Variants in NRP1 observed in about 807,000 individuals in gnomAD.
The protein encoded by NRP1 is neuropilin 1, also known as neuropilin-1.
Under a neutral mutation model 106.7 loss-of-function variants are expected in NRP1, and 35 were observed. The ratio of observed to expected loss-of-function variants is 0.33; its 90% CI spans 0.25 to 0.43. NRP1 has a LOEUF of 0.43. Ranked by LOEUF, NRP1 falls within the 20% of genes least tolerant of loss-of-function variation. The probability of loss-of-function intolerance (pLI) is 1.00; values close to 1 mark genes in which losing one functional copy is unlikely to be tolerated. For missense variants in NRP1, 1,024 were observed against 1,170.4 expected (o/e 0.87, Z 1.83); for synonymous variants, 437 against 417.9 (o/e 1.05, Z -0.56).
chr10:33,186,560 C>G, intron 13 of NRP1, 72 bp from the exon 14 acceptor site: 1 of 1,516,714 alleles, frequency 6.6e-7, no homozygotes. Context: ...TCTTTCAAGT[C>G]TCACTAATCA....
chr10:33,321,244 G>A lies in NRP1; in HGVS notation c.248+9464C>T, dbSNP rs145780838. Reference sequence around the variant, plus strand: ...TCACTGATCCGCTTGCCTTGGCCTCGCAAAATGCTGGGATTATAGGTGAGC... The same window carrying A: ...TCACTGATCCGCTTGCCTTGGCCTCACAAAATGCTGGGATTATAGGTGAGC... On this transcript the variant is annotated intron_variant, in intron 2 of 16. Transcript: ENST00000374867. 3.1e-3 allele frequency among the ~76,000 whole-genome samples: 476 copies of A among 152,186 alleles called. 2 individuals carry two copies. The highest frequency in any genetic ancestry group is 0.011 in the African/African-American group (456 of 41,542).
intron 4 of NRP1, among the ~76,000 whole-genome samples, chr10:33,261,920 G>C (rs1243937865): frequency 6.6e-6 from 1 of 152,084 alleles, no homozygotes; most frequent in Non-Finnish European, 1.5e-5. Context: ...ATTTTTCGTA[G>C]AGACAGGGTT....
chr10:33,282,732 A>G (rs1480678689), intron 2 of NRP1, among the ~76,000 whole-genome samples: 2 of 152,148 alleles, frequency 1.3e-5, no homozygotes, highest in Non-Finnish European at 2.9e-5. Flanking sequence ...ATTAAAAGAA[A>G]GGTTGAGCTG....
At chr10:33,270,013 A>T (rs1336003557) in intron 3 of NRP1, among the ~76,000 whole-genome samples, 2 of 152,218 alleles carry the variant, frequency 1.3e-5, no homozygotes, top group African/African-American at 4.8e-5. Context: ...CACTTGAATT[A>T]TTCTGAAACC....
At position 33,222,416 on chromosome 10, in the gene NRP1, T is replaced by C. The variant is rs933138875; in HGVS notation, c.1138-553A>G. Among the ~76,000 whole-genome samples the C allele has an allele frequency of 5.9e-5, 9 of 152,320 alleles. No homozygotes were observed. The South Asian group carries it at 1.7e-3, about 28-fold the overall frequency. On this transcript the variant is annotated intron_variant, in intron 7 of 16. Coordinates refer to ENST00000374867, the MANE Select transcript of NRP1 (RefSeq NM_003873.7). ...AATCCTTTTTTGATTATTGGTAAAA[T>C]TATGTTTTAGTGGTCAAAGTCAAAA...
intron 1 of NRP1, among the ~76,000 whole-genome samples, chr10:33,332,382 C>T (rs142345272): frequency 6.6e-6 from 1 of 152,172 alleles, no homozygotes; most frequent in Admixed American, 6.5e-5. Flanking sequence ...GTGCAGAAAA[C>T]TTGGAAAGTG....
In NRP1 at chr10:33,208,516, C is replaced by G. The variant is rs143018721; in HGVS notation, c.1615-800G>C. 6.5e-3 allele frequency among the ~76,000 whole-genome samples: 989 copies of G among 152,310 alleles called. 9 individuals carry two copies. The highest frequency in any genetic ancestry group is 0.011 in the Non-Finnish European group (741 of 68,028). Reference sequence around the variant, plus strand: ...GAATTCTGAGAAGATGGAGCAATGACTAGGCCAGTTTTCCTTTTCAAGAAA... The same window carrying G: ...GAATTCTGAGAAGATGGAGCAATGAGTAGGCCAGTTTTCCTTTTCAAGAAA... On this transcript the variant is annotated intron_variant, in intron 9 of 16. Transcript: ENST00000374867.
chr10:33,217,592 T>C (rs2269099), intron 8 of NRP1, among the ~76,000 whole-genome samples: 42,669 of 152,034 alleles, frequency 0.28, 6,437 homozygotes, highest in East Asian at 0.62. Flanking sequence ...ATTTAGCAAA[T>C]AAACAACAAA....
intron 6 of NRP1, among the ~76,000 whole-genome samples, chr10:33,237,848 G>A (rs533416811): frequency 2.0e-5 from 3 of 152,116 alleles, no homozygotes; most frequent in South Asian, 2.1e-4. Context: ...CACCAGGCCC[G>A]GCCCGATGAA....
At chr10:33,185,382 C>A (rs1835933036) in intron 15 of NRP1, among the ~76,000 whole-genome samples, 1 of 152,148 alleles carries the variant, frequency 6.6e-6, no homozygotes, top group East Asian at 1.9e-4. Flanking sequence ...TTGGATTCTG[C>A]ATTATTTGTG....
At position 33,180,243 on chromosome 10, in the gene NRP1, C is replaced by T. The variant is rs1255187775; in HGVS notation, c.2605G>A (p.Val869Ile). The T allele has an allele frequency of 6.2e-7, 1 of 1,614,088 alleles. No homozygotes were observed. The highest frequency in any genetic ancestry group is 1.1e-5 in the South Asian group (1 of 91,080). Residue 869 changes from valine (V) to isoleucine (I), a missense_variant, in exon 17 of 17, where the codon GTC becomes ATC. This residue lies in a region of NRP1 where 164 missense variants were observed against 161.4 expected (regional missense o/e 1.02). Transcript: ENST00000374867. ...ACCCCACAGACAGCCCCCAGGAGGA[C>T]CCCCAGGGCACTCATGGCTATGATG... Reference protein sequence around the residue: ...ITIIAMSALGVLLGAVCGVVL... With the variant: ...ITIIAMSALGILLGAVCGVVL...
At chr10:33,193,087 G>T (rs908975390) in intron 12 of NRP1, among the ~76,000 whole-genome samples, 3 of 151,590 alleles carry the variant, frequency 2.0e-5, no homozygotes, top group African/African-American at 7.3e-5. Context: ...TCAATGTAAG[G>T]TCATCTAAAT....
chr10:33,334,393 C>T lies in NRP1; in HGVS notation c.-11G>A. ...CAGCCCCCTCTCCATTCTCCCTTCT[C>T]CGGGTCCGCAGGCAGACGCGGGAGA... On this transcript the variant is annotated 5_prime_UTR_variant, in exon 1 of 17. Coordinates refer to ENST00000374867, the MANE Select transcript of NRP1 (RefSeq NM_003873.7). The T allele has an allele frequency of 5.2e-6, 8 of 1,544,140 alleles. No individual in the cohort carries two copies. Among genetic ancestry groups the T allele is most frequent in the Non-Finnish European group, 7.0e-6 (8 of 1,146,844 alleles).
rs568653972 is a variant in NRP1, at chr10:33,179,820, A to G, written c.*256T>C. 13 of 482,066 alleles carry G rather than the reference A, an allele frequency of 2.7e-5. No homozygotes were observed. The East Asian group carries it at 3.7e-4, about 14-fold the overall frequency. The allele number at this position is 482,066 out of a possible 1,614,324, so 29.9% of individuals were successfully genotyped here. A position where few individuals can be genotyped will look rare whatever the true frequency, so the allele number is the denominator to read the frequency against. On this transcript the variant is annotated 3_prime_UTR_variant, in exon 17 of 17. Transcript: ENST00000374867. ...GTCGAAATGAATGATTATGTCAATC[A>G]TACTTGGTCTCAACACCAGCATCTG...
chr10:33,185,572 C>G, intron 15 of NRP1, 56 bp downstream of exon 15: 1 of 1,327,286 alleles, frequency 7.5e-7, no homozygotes, highest in Non-Finnish European at 1.1e-6. Flanking sequence ...ATCATATTGG[C>G]AAGAGTCTTG....
chr10:33,320,069 T>C (rs1847379128), intron 2 of NRP1, among the ~76,000 whole-genome samples: 2 of 149,718 alleles, frequency 1.3e-5, no homozygotes, highest in Middle Eastern at 3.4e-3. Context: ...TCCCAGCACT[T>C]TGGGAGGCCG....
intron 14 of NRP1, 86 bp downstream of exon 14, chr10:33,186,131 C>T (rs932706749): frequency 2.7e-6 from 4 of 1,460,042 alleles, no homozygotes; most frequent in Non-Finnish European, 3.7e-6. Flanking sequence ...CGGAATAATT[C>T]CCATGTCTCA....
At chr10:33,271,794 A>T (rs558640717) in intron 2 of NRP1, among the ~76,000 whole-genome samples, 1 of 152,352 alleles carries the variant, frequency 6.6e-6, no homozygotes, top group Admixed American at 6.5e-5. Flanking sequence ...TAGGAAAATA[A>T]GAAAGCTTTT....
At chr10:33,319,219 G>T (rs2132861505) in intron 2 of NRP1, among the ~76,000 whole-genome samples, 1 of 151,884 alleles carries the variant, frequency 6.6e-6, no homozygotes, top group African/African-American at 2.4e-5. Context: ...TGTTAGTCAG[G>T]ATGGTCTTTA....
Sources: gnomAD v4.1 joint callset for allele counts (sites outside exome capture counted in the v4.1 genomes callset) on GRCh38, gnomAD v4.1.1 for gene constraint, gnomAD v4.1.1 regional missense constraint, MANE v1.5 for transcripts, NCBI Gene and HGNC (gene_info 2026-07-23, HGNC 2026-07-21) for gene names.